Variants in MAGI2 observed in about 807,000 individuals in gnomAD.
MAGI2 encodes the protein membrane-associated guanylate kinase, WW and PDZ domain-containing protein 2.
Under a neutral mutation model 133.3 loss-of-function variants are expected in MAGI2, and 35 were observed. The ratio of observed to expected loss-of-function variants is 0.26; its 90% CI spans 0.20 to 0.35. The LOEUF is 0.35. Among genes scored for constraint, MAGI2 ranks in the 10% least tolerant of loss-of-function variants. The pLI, the probability that MAGI2 is intolerant of heterozygous loss-of-function variation, is 1.00. For missense variants in MAGI2, 1,636 were observed against 1,863.4 expected, an observed-to-expected ratio of 0.88 and a Z score of 2.25; for synonymous variants, 729 against 710.6, an observed-to-expected ratio of 1.03 and a Z score of -0.41.
chr7:78,383,615 A>C (rs1795120328), intron 6 of MAGI2, among the ~76,000 whole-genome samples: 1 of 151,788 alleles, frequency 6.6e-6, no homozygotes, highest in Non-Finnish European at 1.5e-5. Context: ...AACATAGTTC[A>C]CTTTTTCTTT....
At chr7:78,071,229 T>C (rs1298257150) in intron 21 of MAGI2, among the ~76,000 whole-genome samples, 3 of 152,118 alleles carry the variant, frequency 2.0e-5, no homozygotes, top group Admixed American at 2.0e-4. Context: ...AGGAATTCAG[T>C]GTTGTGTTCT....
At chr7:78,384,735 T>C (rs1795227431) in intron 6 of MAGI2, among the ~76,000 whole-genome samples, 1 of 152,108 alleles carries the variant, frequency 6.6e-6, no homozygotes, top group Non-Finnish European at 1.5e-5. Flanking sequence ...AAAAATGAAA[T>C]TTAAAATTTA....
intron 9 of MAGI2, among the ~76,000 whole-genome samples, chr7:78,272,873 A>G (rs1794722212): frequency 6.6e-6 from 1 of 152,032 alleles, no homozygotes; most frequent in Admixed American, 6.6e-5. Context: ...TAGCATACTG[A>G]TGGGTCTTGA....
At chr7:79,316,678 T>C (rs1164583559) in intron 1 of MAGI2, among the ~76,000 whole-genome samples, 2 of 152,316 alleles carry the variant, frequency 1.3e-5, no homozygotes, top group East Asian at 3.9e-4. Flanking sequence ...TTGAGACTAA[T>C]GTTGTATCAG....
intron 2 of MAGI2, among the ~76,000 whole-genome samples, chr7:78,838,061 C>A (rs976038837): frequency 1.3e-5 from 2 of 152,074 alleles, no homozygotes; most frequent in Non-Finnish European, 2.9e-5. Flanking sequence ...ATCTTTAATG[C>A]ATCCACTTTT....
At chr7:78,097,028 A>G (rs1000295519) in intron 20 of MAGI2, among the ~76,000 whole-genome samples, 1 of 152,242 alleles carries the variant, frequency 6.6e-6, no homozygotes, top group Non-Finnish European at 1.5e-5. Context: ...TTTGCAAAAG[A>G]AGACACACAT....
chr7:78,886,695 T>C (rs1048678029), intron 2 of MAGI2, among the ~76,000 whole-genome samples: 1 of 152,236 alleles, frequency 6.6e-6, no homozygotes, highest in Non-Finnish European at 1.5e-5. Flanking sequence ...TTTTATGTAA[T>C]GTTTTTAGTA....
At chr7:78,910,094 A>G (rs903823785) in intron 2 of MAGI2, among the ~76,000 whole-genome samples, 2 of 150,236 alleles carry the variant, frequency 1.3e-5, no homozygotes, top group African/African-American at 4.9e-5. Flanking sequence ...ATGAGAACAC[A>G]TGGACACAGG....
At chr7:79,164,515 G>A (rs1238735890) in intron 1 of MAGI2, among the ~76,000 whole-genome samples, 1 of 151,816 alleles carries the variant, frequency 6.6e-6, no homozygotes, top group East Asian at 1.9e-4. Flanking sequence ...CCTTTAAAAA[G>A]GGCTGGAGAG....
intron 2 of MAGI2, among the ~76,000 whole-genome samples, chr7:78,851,420 A>G (rs1334331337): frequency 6.6e-6 from 1 of 152,092 alleles, no homozygotes; most frequent in East Asian, 1.9e-4. Flanking sequence ...AGACAGTGAC[A>G]TATGACATAA....
chr7:78,025,786 C>T (rs1333023064), intron 21 of MAGI2, among the ~76,000 whole-genome samples: 1 of 152,148 alleles, frequency 6.6e-6, no homozygotes. Flanking sequence ...GAAGAGTTCC[C>T]GCTTTCATCG....
intron 7 of MAGI2, among the ~76,000 whole-genome samples, chr7:78,352,194 G>A (rs1791592398): frequency 6.6e-6 from 1 of 152,126 alleles, no homozygotes; most frequent in Non-Finnish European, 1.5e-5. Flanking sequence ...GGTTGATAGG[G>A]GAGGGACAAA....
At chr7:78,537,868 CT>C (rs1433427765) in intron 3 of MAGI2, among the ~76,000 whole-genome samples, 1 of 151,988 alleles carries the variant, frequency 6.6e-6, no homozygotes, top group Admixed American at 6.6e-5. Context: ...ATCTATTTAT[CT>C]TTTTGTTGTA....
At chr7:79,031,318 AT>A (rs60585808) in intron 1 of MAGI2, among the ~76,000 whole-genome samples, 17,946 of 152,104 alleles carry the variant, frequency 0.12, 1,509 homozygotes, top group African/African-American at 0.24. Context: ...TACAATGCAA[AT>A]TTTGTAGGAG....
chr7:79,115,245 G>A (rs1486104504), intron 1 of MAGI2, among the ~76,000 whole-genome samples: 3 of 152,162 alleles, frequency 2.0e-5, no homozygotes, highest in African/African-American at 4.8e-5. Flanking sequence ...TGGGACCAGA[G>A]AAAGGGAAAG....
chr7:79,103,884 G>A (rs558798025), intron 1 of MAGI2, among the ~76,000 whole-genome samples: 28 of 151,392 alleles, frequency 1.8e-4, no homozygotes, highest in African/African-American at 6.3e-4. Flanking sequence ...TATATTTTTA[G>A]TAGAGACGGG....
At chr7:78,626,899 A>T (rs547024517) in intron 3 of MAGI2, among the ~76,000 whole-genome samples, 10 of 150,742 alleles carry the variant, frequency 6.6e-5, no homozygotes, top group African/African-American at 2.4e-4. Context: ...TATATATATA[A>T]AATATAAAAT....
chr7:78,849,827 GT>G (rs1159994524), intron 2 of MAGI2, among the ~76,000 whole-genome samples: 1 of 151,772 alleles, frequency 6.6e-6, no homozygotes, highest in Non-Finnish European at 1.5e-5. Context: ...TCTTTATTTT[GT>G]TATTTTTCCA....
chr7:78,634,558 G>A (rs921526331), intron 2 of MAGI2, among the ~76,000 whole-genome samples: 40 of 152,312 alleles, frequency 2.6e-4, no homozygotes, highest in Middle Eastern at 3.4e-3. Flanking sequence ...TATGTGATAT[G>A]AAATGAAGTG....
Sources: gnomAD v4.1 joint callset for allele counts (sites outside exome capture counted in the v4.1 genomes callset) on GRCh38, gnomAD v4.1.1 for gene constraint, MANE v1.5 for transcripts, NCBI Gene and HGNC (gene_info 2026-07-23, HGNC 2026-07-21) for gene names.